DMD: variants seen among roughly 807,000 people sequenced by gnomAD.
The protein encoded by DMD is mutant dystrophin.
Under a neutral mutation model 330.1 loss-of-function variants are expected in DMD, and 63 were observed. That is an observed-to-expected ratio of 0.19 (90% CI 0.16 to 0.24). The LOEUF is 0.24. Ranked by LOEUF, DMD falls within the 10% of genes least tolerant of loss-of-function variation. The pLI is 1.00. For missense variants in DMD, 3,344 were observed against 2,684.1 expected (o/e 1.25, Z -5.43); for synonymous variants, 1,223 against 959.8 (o/e 1.27, Z -5.07).
At chrX:33,216,304 T>A (rs1285319348), upstream of DMD, among the ~76,000 whole-genome samples, 1 of 111,783 alleles carries the variant, frequency 8.9e-6, no homozygotes, top group African/African-American at 3.3e-5. Flanking sequence ...GCAAGATGAA[T>A]GCAGCTGGAG....
intron 48 of DMD, among the ~76,000 whole-genome samples, chrX:31,861,972 C>G (rs2093713517): frequency 9.2e-6 from 1 of 108,854 alleles, no homozygotes. Context: ...CACACACACA[C>G]ACACCTACAT....
chrX:32,958,537 C>T (rs1332613313), intron 2 of DMD, among the ~76,000 whole-genome samples: 2 of 111,049 alleles, frequency 1.8e-5, no homozygotes, highest in Non-Finnish European at 3.8e-5. Context: ...CTTATTATAT[C>T]TCTAAGTTAT....
intron 41 of DMD, among the ~76,000 whole-genome samples, chrX:32,328,360 G>GT (rs1481237503): frequency 9.0e-6 from 1 of 111,647 alleles, no homozygotes; most frequent in Non-Finnish European, 1.9e-5. Context: ...TTTATTATTT[G>GT]TAAGTGTTAA....
intron 9 of DMD, among the ~76,000 whole-genome samples, chrX:32,660,108 G>C (rs1465319975): frequency 9.0e-6 from 1 of 111,155 alleles, no homozygotes; most frequent in Admixed American, 9.6e-5. Context: ...GACAACTAAA[G>C]CTTTTGATCT....
intron 50 of DMD, among the ~76,000 whole-genome samples, chrX:31,818,755 A>C (rs1722285199): frequency 2.7e-5 from 3 of 109,384 alleles, no homozygotes; most frequent in African/African-American, 1.0e-4. Context: ...AAAAAAAAAA[A>C]CCATAATGCT....
In DMD at chrX:31,831,759, C is replaced by T. The variant is rs1446360579; in HGVS notation, c.7200+4959G>A. The stretch of plus-strand genomic sequence containing the variant: ...GACTACAGATGCCTGCCACCAAGCC[C>T]GGCTAATTTTGTTTTTGTATTTTTA... On this transcript the variant is annotated intron_variant, in intron 49 of 78. Transcript: ENST00000357033. 9.9e-5 allele frequency among the ~76,000 whole-genome samples: 11 copies of T among 110,638 alleles called. No homozygotes were observed. The East Asian group carries it at 2.5e-3, about 26-fold the overall frequency.
rs995566919 is a variant in DMD at position 32,783,716 on chromosome X, G to A, written c.649+25777C>T. 9.9e-5 allele frequency among the ~76,000 whole-genome samples: 11 copies of A among 110,953 alleles called. 1 individual carries two copies. The highest frequency in any genetic ancestry group is 3.6e-4 in the African/African-American group (11 of 30,582). On this transcript the variant is annotated intron_variant, in intron 7 of 78. Coordinates refer to ENST00000357033, the MANE Select transcript of DMD (RefSeq NM_004006.3). ...AGAGATAATTTAATGTAAACAGGAG[G>A]ATGTGCATAGGTTATATGCAAATAT... is the stretch of plus-strand genomic sequence containing the variant.
chrX:32,935,401 C>A, intron 2 of DMD, among the ~76,000 whole-genome samples: 2 of 112,217 alleles, frequency 1.8e-5, no homozygotes, highest in Non-Finnish European at 3.8e-5. Flanking sequence ...GACCTAGAAG[C>A]CTGAAATATG....
At chrX:31,390,925 C>T (rs765167546) in intron 60 of DMD, among the ~76,000 whole-genome samples, 1 of 111,553 alleles carries the variant, frequency 9.0e-6, no homozygotes, top group African/African-American at 3.3e-5. Context: ...CCACTCACCC[C>T]CTCAGTCATT....
At chrX:31,475,836 A>G (rs2067699964) in intron 59 of DMD, among the ~76,000 whole-genome samples, 1 of 111,620 alleles carries the variant, frequency 9.0e-6, no homozygotes, top group African/African-American at 3.3e-5. Flanking sequence ...ATGCAATTCA[A>G]CATTAGACCA....
At chrX:32,769,701 C>T (rs1448321342) in intron 7 of DMD, among the ~76,000 whole-genome samples, 4 of 110,665 alleles carry the variant, frequency 3.6e-5, no homozygotes, top group Non-Finnish European at 7.6e-5. Context: ...GATATAAGAG[C>T]AGATGAATAA....
At chrX:32,254,705 T>C (rs1030974360) in intron 43 of DMD, among the ~76,000 whole-genome samples, 1 of 112,137 alleles carries the variant, frequency 8.9e-6, no homozygotes, top group African/African-American at 3.2e-5. Flanking sequence ...TATTAGATGT[T>C]ACCCACCATT....
chrX:32,454,080 G>C (rs2098344848), intron 26 of DMD, among the ~76,000 whole-genome samples: 1 of 110,422 alleles, frequency 9.1e-6, no homozygotes, highest in Non-Finnish European at 1.9e-5. Flanking sequence ...CCACTATGTA[G>C]GTTCAAGTCC....
At chrX:32,990,728 G>A (rs1414263820) in intron 2 of DMD, among the ~76,000 whole-genome samples, 2 of 111,325 alleles carry the variant, frequency 1.8e-5, no homozygotes, top group South Asian at 3.7e-4. Flanking sequence ...CTCTCACCTG[G>A]AGAGTTTACT....
chrX:32,675,856 TA>T (rs2061932871), intron 9 of DMD, among the ~76,000 whole-genome samples: 1 of 112,222 alleles, frequency 8.9e-6, no homozygotes, highest in Non-Finnish European at 1.9e-5. Flanking sequence ...CAATGTTTGT[TA>T]TATAATGATT....
intron 1 of DMD, among the ~76,000 whole-genome samples, chrX:33,089,814 A>T (rs910190974): frequency 1.8e-5 from 2 of 110,093 alleles, no homozygotes; most frequent in Middle Eastern, 4.2e-3. Context: ...AAGGACGTTT[A>T]AAAAAAAAGA....
intron 17 of DMD, among the ~76,000 whole-genome samples, chrX:32,533,601 A>G (rs750780185): frequency 8.0e-4 from 90 of 112,320 alleles, no homozygotes; most frequent in African/African-American, 2.9e-3. Context: ...TGCTGGGTGC[A>G]AGCTTCCTGA....
chrX:32,452,294 A>G (rs12687660), intron 26 of DMD, among the ~76,000 whole-genome samples: 16 of 21,621 alleles, frequency 7.4e-4, no homozygotes, highest in South Asian at 2.1e-3. Flanking sequence ...AAAGGAAAGG[A>G]AAAGGAAAGG....
At chrX:32,006,962 G>T (rs933866383) in intron 44 of DMD, among the ~76,000 whole-genome samples, 4 of 103,741 alleles carry the variant, frequency 3.9e-5, no homozygotes, top group African/African-American at 1.4e-4. Context: ...GTAAACTATC[G>T]CAAGAACAAA....
Sources: gnomAD v4.1 joint callset for allele counts (sites outside exome capture counted in the v4.1 genomes callset) on GRCh38, gnomAD v4.1.1 for gene constraint, MANE v1.5 for transcripts, NCBI Gene and HGNC (gene_info 2026-07-23, HGNC 2026-07-21) for gene names.